The following GAD2 variants were observed in gnomAD, a reference collection of about 807,000 sequenced individuals.
The protein encoded by GAD2 is glutamate decarboxylase 2.
A neutral mutation model predicts 80.1 loss-of-function variants in GAD2; 22 were observed. The observed-to-expected ratio is 0.27, with a 90% CI of 0.20 to 0.39. The LOEUF (loss-of-function observed/expected upper bound fraction) is 0.39. GAD2 is among the 10% of genes least tolerant of loss of function. GAD2 has a pLI of 1.00. For synonymous variants in GAD2, 274 were observed against 256.9 expected, an observed-to-expected ratio of 1.07 and a Z score of -0.64; for missense variants, 624 against 738.4, an observed-to-expected ratio of 0.85 and a Z score of 1.80.
In GAD2 at chr10:26,245,834, A is replaced by T. The variant is rs909595498; in HGVS notation, c.841-87A>T. The T allele has an allele frequency of 5.6e-6, 6 of 1,066,274 alleles. No homozygotes were observed. The African/African-American group carries it at 8.9e-5, about 16-fold the overall frequency. 66.1% of individuals were successfully genotyped at this position (1,066,274 alleles called of 1,614,324 possible). A position where few individuals can be genotyped will look rare whatever the true frequency, so the allele number is the denominator to read the frequency against. ...GAGGAACAGACTAGAAATGAAAGGA[A>T]AAAAGGAAAACAGAAAACAAACAGC... On this transcript the variant is annotated intron_variant, in intron 7 of 15. Coordinates refer to ENST00000376261, the MANE Select transcript of GAD2 (RefSeq NM_001134366.2).
At chr10:26,271,908 C>T (rs954566303) in intron 10 of GAD2, among the ~76,000 whole-genome samples, 9 of 152,006 alleles carry the variant, frequency 5.9e-5, no homozygotes, top group African/African-American at 2.4e-5. Flanking sequence ...TACAGACGTG[C>T]GCACCCATGC....
chr10:26,268,942 G>A (rs1005982146), intron 8 of GAD2, among the ~76,000 whole-genome samples, 177 bp from the exon 9 acceptor site: 1 of 152,198 alleles, frequency 6.6e-6, no homozygotes, highest in Non-Finnish European at 1.5e-5. Flanking sequence ...AGAAATGATA[G>A]TCATGCCTCA....
chr10:26,266,778 C>T (rs1169212366), intron 8 of GAD2, among the ~76,000 whole-genome samples: 1 of 152,210 alleles, frequency 6.6e-6, no homozygotes, highest in Non-Finnish European at 1.5e-5. Context: ...TGTATGACAC[C>T]TCTGGTTCAT....
chr10:26,291,930 A>G (rs573442673), intron 13 of GAD2, among the ~76,000 whole-genome samples: 2 of 152,316 alleles, frequency 1.3e-5, no homozygotes, highest in Admixed American at 6.5e-5. Context: ...CAGGCTAACA[A>G]AGCATCTGGG....
chr10:26,257,717 AT>A (rs1160003939), intron 8 of GAD2, among the ~76,000 whole-genome samples: 1 of 152,204 alleles, frequency 6.6e-6, no homozygotes, highest in Non-Finnish European at 1.5e-5. Context: ...AGCTTTATAA[AT>A]TACAGTTAGA....
Position 26,273,638 on chromosome 10 carries a change from A to C in GAD2, c.1095A>C (p.Ala365=). ...KKYKIWMHVD[A]AWGGGLLMSR... The stretch of plus-strand genomic sequence containing the variant: ...TTCCTCATATGATTTTTTTTCAGGC[A>C]GCTTGGGGTGGGGGATTACTGATGT... Residue 365 remains alanine (A), a splice_region_variant and synonymous_variant, in exon 11 of 16, where the codon GCA becomes GCC. Coordinates refer to ENST00000376261, the MANE Select transcript of GAD2 (RefSeq NM_001134366.2). 6.2e-7 allele frequency: 1 copy of C among 1,613,242 alleles called. No homozygotes were observed. The highest frequency in any genetic ancestry group is 8.5e-7 in the Non-Finnish European group (1 of 1,179,600).
At chr10:26,216,765 C>T (rs8190590), upstream of GAD2, 5,437 of 1,564,442 alleles carry the variant, frequency 3.5e-3, 157 homozygotes, top group African/African-American at 0.063. This position sits in a 1 kb window ranked among gnomAD's most constrained non-coding sequence, Gnocchi z 4.7. Context: ...GGCAGCTCGC[C>T]CGCAGCTCGC....
At chr10:26,257,514 A>G (rs1056069873) in intron 8 of GAD2, among the ~76,000 whole-genome samples, 1 of 152,254 alleles carries the variant, frequency 6.6e-6, no homozygotes, top group Non-Finnish European at 1.5e-5. Context: ...AAAACCTTAC[A>G]GAAAATAAAT....
At chr10:26,250,991 C>G (rs369632917) in intron 8 of GAD2, among the ~76,000 whole-genome samples, 3 of 150,768 alleles carry the variant, frequency 2.0e-5, no homozygotes, top group Non-Finnish European at 3.0e-5. Flanking sequence ...GCCATTCTCC[C>G]GCCTCAGCCT....
chr10:26,245,759 A>T (rs1402258704), intron 7 of GAD2, among the ~76,000 whole-genome samples, 162 bp from the exon 8 acceptor site: 2 of 152,146 alleles, frequency 1.3e-5, no homozygotes, highest in Non-Finnish European at 2.9e-5. Context: ...CACAGTTTTT[A>T]AAAAAGCACA....
chr10:26,241,064 AGT>A (rs1006713299), intron 7 of GAD2, among the ~76,000 whole-genome samples: 4 of 151,582 alleles, frequency 2.6e-5, no homozygotes, highest in African/African-American at 9.8e-5. Context: ...AAAAAGAGAG[AGT>A]GAGAGAAATT....
rs188134683 is a variant in GAD2 at position 26,285,605 on chromosome 10, T to G, written c.1237-740T>G. The stretch of plus-strand genomic sequence containing the variant: ...ACCCATTTCCATAGTAAGGTTACAG[T>G]GCCAGGGCAAATGAATGGCCATTGA... On this transcript the variant is annotated intron_variant, in intron 12 of 15. Transcript: ENST00000376261. 2.8e-3 allele frequency among the ~76,000 whole-genome samples: 431 copies of G among 152,348 alleles called. 1 individual carries two copies. The highest frequency in any genetic ancestry group is 9.8e-3 in the African/African-American group (406 of 41,578).
intron 13 of GAD2, among the ~76,000 whole-genome samples, chr10:26,290,908 C>G (rs752630967): frequency 3.9e-5 from 6 of 152,236 alleles, no homozygotes; most frequent in Non-Finnish European, 7.3e-5. Flanking sequence ...TTTTCTGTGT[C>G]ATTCCCCATG....
At chr10:26,228,595 G>C (rs1844558875) in intron 6 of GAD2, among the ~76,000 whole-genome samples, 1 of 152,196 alleles carries the variant, frequency 6.6e-6, no homozygotes, top group African/African-American at 2.4e-5. Flanking sequence ...CCACAGAGCA[G>C]TAGGTGAGCA....
intron 4 of GAD2, 55 bp downstream of exon 4, chr10:26,219,331 A>C: frequency 8.7e-7 from 1 of 1,154,112 alleles, no homozygotes; most frequent in Non-Finnish European, 1.2e-6. Flanking sequence ...TTTTTATTTT[A>C]TTTTTTTCTA....
At chr10:26,236,296 T>C (rs971552988) in intron 7 of GAD2, among the ~76,000 whole-genome samples, 12 of 138,216 alleles carry the variant, frequency 8.7e-5, no homozygotes, top group African/African-American at 3.6e-4. Context: ...CTTTCTTTTC[T>C]TTTTTCTTTT....
intron 7 of GAD2, among the ~76,000 whole-genome samples, chr10:26,237,767 G>A (rs1844692800): frequency 6.6e-6 from 1 of 152,078 alleles, no homozygotes; most frequent in Non-Finnish European, 1.5e-5. Flanking sequence ...CAGCACTTTG[G>A]GATGCTGAAG....
chr10:26,223,905 A>C lies in GAD2; in HGVS notation c.539A>C (p.Asn180Thr). 2 of 1,608,512 alleles carry C rather than the reference A, an allele frequency of 1.2e-6. No homozygotes were observed. The highest frequency in any genetic ancestry group is 1.7e-6 in the Non-Finnish European group (2 of 1,177,910). ...AIKTGHPRYFNQLSTGLDMVG... is the reference protein window; with the variant it reads ...AIKTGHPRYFTQLSTGLDMVG... The stretch of plus-strand genomic sequence containing the variant: ...TATTCAGGGCATCCTAGATACTTCA[A>C]TCAACTTTCTACTGGTTTGGATATG... Residue 180 changes from asparagine (N) to threonine (T), a missense_variant, in exon 5 of 16, where the codon AAT (asparagine) becomes ACT (threonine). Transcript: ENST00000376261.
At chr10:26,288,840 G>A (rs1834179335) in intron 13 of GAD2, among the ~76,000 whole-genome samples, 1 of 152,114 alleles carries the variant, frequency 6.6e-6, no homozygotes, top group African/African-American at 2.4e-5. Context: ...TCCAGCAGGG[G>A]CAGCACAGTT....
Sources: gnomAD v4.1 joint callset for allele counts (sites outside exome capture counted in the v4.1 genomes callset) on GRCh38, gnomAD v4.1.1 for gene constraint, Gnocchi (gnomAD v3.1) non-coding constraint, MANE v1.5 for transcripts, NCBI Gene and HGNC (gene_info 2026-07-23, HGNC 2026-07-21) for gene names.